Variants in DLGAP2 observed in about 807,000 individuals in gnomAD.
The protein encoded by DLGAP2 is DLG associated protein 2, also known as disks large-associated protein 2.
DLGAP2 carries 26 observed loss-of-function variants against 100.3 expected under a neutral mutation model. The observed-to-expected ratio is 0.26, with a 90% CI of 0.19 to 0.36. The LOEUF is 0.36. DLGAP2 is among the 10% of genes least tolerant of loss of function. The probability of loss-of-function intolerance (pLI) is 1.00; values close to 1 mark genes in which losing one functional copy is unlikely to be tolerated. For synonymous variants in DLGAP2, 886 were observed against 630.1 expected (o/e 1.41, Z -6.08); for missense variants, 1,858 against 1,453.2 (o/e 1.28, Z -4.53).
intron 3 of DLGAP2, among the ~76,000 whole-genome samples, chr8:1,477,884 G>C (rs1419366859): frequency 6.6e-6 from 1 of 152,082 alleles, no homozygotes; most frequent in Admixed American, 6.5e-5. Context: ...CGGGATGGCA[G>C]AGTGACCCTG....
intron 2 of DLGAP2, among the ~76,000 whole-genome samples, chr8:919,339 G>A (rs1245373178): frequency 4.6e-5 from 7 of 152,118 alleles, no homozygotes; most frequent in African/African-American, 9.7e-5. Context: ...AGGCCGCGAC[G>A]GGCAGGATGC....
chr8:989,233 A>G (rs1800579797), intron 2 of DLGAP2, among the ~76,000 whole-genome samples: 1 of 152,136 alleles, frequency 6.6e-6, no homozygotes, highest in South Asian at 2.1e-4. Flanking sequence ...GCTCCCCCGG[A>G]GTCCCTCTGG....
At chr8:742,380 A>C (rs1820509675) in intron 1 of DLGAP2, among the ~76,000 whole-genome samples, 1 of 152,260 alleles carries the variant, frequency 6.6e-6, no homozygotes, top group South Asian at 2.1e-4. Flanking sequence ...AAAATGTTTC[A>C]TACTCTGTAC....
At chr8:1,597,285 A>T (rs1796486945) in intron 6 of DLGAP2, among the ~76,000 whole-genome samples, 1 of 152,118 alleles carries the variant, frequency 6.6e-6, no homozygotes, top group African/African-American at 2.4e-5. Context: ...TATAGTTTGA[A>T]GTCAGCTGGT....
chr8:1,532,891 C>T (rs1801030341), intron 4 of DLGAP2, among the ~76,000 whole-genome samples: 1 of 152,146 alleles, frequency 6.6e-6, no homozygotes, highest in African/African-American at 2.4e-5. Flanking sequence ...TTTTTAAAGT[C>T]CTCATGAGCG....
intron 2 of DLGAP2, among the ~76,000 whole-genome samples, chr8:909,089 C>G (rs928140519): frequency 3.9e-5 from 6 of 152,294 alleles, no homozygotes; most frequent in African/African-American, 1.4e-4. Flanking sequence ...TGATAGAACT[C>G]TTCTTGAGAA....
intron 2 of DLGAP2, among the ~76,000 whole-genome samples, chr8:973,725 CG>C (rs1800084123): frequency 6.6e-6 from 1 of 152,224 alleles, no homozygotes; most frequent in East Asian, 1.9e-4. Context: ...TCTACTTTAT[CG>C]GATAGTGTTG....
chr8:1,559,190 G>A (rs1802076334), intron 5 of DLGAP2, among the ~76,000 whole-genome samples: 2 of 152,170 alleles, frequency 1.3e-5, no homozygotes, highest in African/African-American at 2.4e-5. Context: ...GGTAATTAGG[G>A]TAATTGATTG....
chr8:1,452,893 CA>C (rs774484195), intron 3 of DLGAP2, among the ~76,000 whole-genome samples: 16 of 152,090 alleles, frequency 1.1e-4, no homozygotes, highest in African/African-American at 3.1e-4. Flanking sequence ...GGGGGGTGGC[CA>C]GGTCTATTAC....
chr8:1,554,368 C>A (rs1801884618), intron 5 of DLGAP2, among the ~76,000 whole-genome samples: 1 of 152,186 alleles, frequency 6.6e-6, no homozygotes. Context: ...CCATTTGCTT[C>A]TTTCTGCCCG....
intron 2 of DLGAP2, chr8:1,003,083 C>G (rs1032746229): frequency 6.6e-6 from 1 of 152,400 alleles, no homozygotes; most frequent in African/African-American, 2.4e-5. Context: ...TGTCTACCCC[C>G]TGCTCCATCC....
At chr8:751,828 T>C (rs1290715505) in intron 1 of DLGAP2, among the ~76,000 whole-genome samples, 1 of 152,082 alleles carries the variant, frequency 6.6e-6, no homozygotes, top group Non-Finnish European at 1.5e-5. Flanking sequence ...CATCTGACAC[T>C]TCATAGTAAG....
chr8:1,061,932 C>G (rs551536399), intron 2 of DLGAP2, among the ~76,000 whole-genome samples: 1 of 151,966 alleles, frequency 6.6e-6, no homozygotes, highest in South Asian at 2.1e-4. Flanking sequence ...AGCACTGTGA[C>G]GCTCCCTAGG....
chr8:1,626,393 CTGTT>C lies in DLGAP2; in HGVS notation c.1443-346_1443-343del, dbSNP rs1797498747. On this transcript the variant is annotated intron_variant, in intron 6 of 14. Transcript: ENST00000637795. ...CAGCCTCTGGGTGTGGGTTGGACGG[CTGTT>C]CCCATCTCTACCCTGCAGCGGGTGC... is the stretch of plus-strand genomic sequence containing the variant. 5.2e-5 allele frequency among the ~76,000 whole-genome samples: 4 copies of C among 77,134 alleles called. No individual in the cohort carries two copies. In the South Asian group the frequency reaches 2.2e-3, roughly 42 times the overall value. The allele number at this position is 77,134 out of a possible 152,430, so 50.6% of individuals were successfully genotyped here. A position where few individuals can be genotyped will look rare whatever the true frequency, so the allele number is the denominator to read the frequency against.
chr8:1,223,222 C>T (rs1798352078), intron 2 of DLGAP2, among the ~76,000 whole-genome samples: 1 of 152,178 alleles, frequency 6.6e-6, no homozygotes, highest in Admixed American at 6.5e-5. Flanking sequence ...CCAGGGTTCC[C>T]ACCTTCCTCC....
At chr8:1,049,771 C>T (rs979346788) in intron 2 of DLGAP2, among the ~76,000 whole-genome samples, 3 of 152,152 alleles carry the variant, frequency 2.0e-5, no homozygotes, top group Non-Finnish European at 2.9e-5. Context: ...TGCATAGACA[C>T]AGGCACATGC....
intron 3 of DLGAP2, among the ~76,000 whole-genome samples, chr8:1,261,557 G>A (rs1268611627): frequency 6.6e-6 from 1 of 151,200 alleles, no homozygotes; most frequent in Non-Finnish European, 1.5e-5. Flanking sequence ...CCGAGGGTGG[G>A]GGTGGGAGGG....
At chr8:1,177,477 C>G (rs1797286014) in intron 2 of DLGAP2, among the ~76,000 whole-genome samples, 1 of 152,098 alleles carries the variant, frequency 6.6e-6, no homozygotes. Context: ...AGACCCGATT[C>G]TGAATGCATG....
intron 3 of DLGAP2, among the ~76,000 whole-genome samples, chr8:1,306,566 A>G (rs190088968): frequency 2.0e-3 from 297 of 152,282 alleles, no homozygotes; most frequent in African/African-American, 6.8e-3. Context: ...TGGAATTACA[A>G]GGGACCCCAA....
Sources: gnomAD v4.1 joint callset for allele counts (sites outside exome capture counted in the v4.1 genomes callset) on GRCh38, gnomAD v4.1.1 for gene constraint, MANE v1.5 for transcripts, NCBI Gene and HGNC (gene_info 2026-07-23, HGNC 2026-07-21) for gene names.